The following RPL37A variants were observed in gnomAD, a reference collection of about 807,000 sequenced individuals.
RPL37A encodes the protein ribosomal protein L37a, also known as large ribosomal subunit protein eL43.
A neutral mutation model predicts 13.6 loss-of-function variants in RPL37A; 5 were observed. The observed-to-expected ratio is 0.37, with a 90% confidence interval of 0.19 to 0.78. RPL37A has a LOEUF of 0.78. Among genes scored for constraint, RPL37A ranks in the 30% least tolerant of loss-of-function variants. The probability of loss-of-function intolerance (pLI) is 0.49; values close to 1 mark genes in which losing one functional copy is unlikely to be tolerated. For synonymous variants in RPL37A, 50 were observed against 44.4 expected (o/e 1.13, Z -0.50); for missense variants, 77 against 120.0 (o/e 0.64, Z 1.67).
At chr2:216,499,541 A>G (rs891715991) in intron 2 of RPL37A, 143 bp downstream of exon 2, 1 of 1,033,192 alleles carries the variant, frequency 9.7e-7, no homozygotes, top group African/African-American at 1.6e-5. Flanking sequence ...TTTTAAGATA[A>G]AAGTGTTGAT....
At chr2:216,499,430 A>G in intron 2 of RPL37A, 32 bp downstream of exon 2, 1 of 1,610,384 alleles carries the variant, frequency 6.2e-7, no homozygotes, top group East Asian at 2.2e-5. Flanking sequence ...GTGAGAGGAG[A>G]GGGAGGGCAG....
chr2:216,499,129 G>T, intron 1 of RPL37A, 141 bp from the exon 2 acceptor site: 1 of 1,254,898 alleles, frequency 8.0e-7, no homozygotes, highest in South Asian at 1.5e-5. Flanking sequence ...TGGTTTCGTT[G>T]GGTTGAATTT....
rs371360227 is a variant in RPL37A at position 216,501,440 on chromosome 2, A to G, written c.*36A>G. 1 of 1,454,672 alleles carries G rather than the reference A, an allele frequency of 6.9e-7. No homozygotes were observed. Among genetic ancestry groups the G allele is most frequent in the South Asian group, 1.2e-5 (1 of 84,844 alleles). 90.1% of individuals were successfully genotyped at this position (1,454,672 alleles called of 1,614,324 possible). A position where few individuals can be genotyped will look rare whatever the true frequency, so the allele number is the denominator to read the frequency against. On this transcript the variant is annotated 3_prime_UTR_variant, in exon 4 of 4. Coordinates refer to ENST00000491306, the MANE Select transcript of RPL37A (RefSeq NM_000998.5). Reference sequence around the variant, plus strand: ...ACTCTTTGAGACATCACTGGCCTATAATAAATGGGTTAATTTATGTAACAA... The same window carrying G: ...ACTCTTTGAGACATCACTGGCCTATGATAAATGGGTTAATTTATGTAACAA...
At chr2:216,501,286 C>T (rs1011069287) in intron 3 of RPL37A, 55 bp from the exon 4 acceptor site, 22 of 1,463,116 alleles carry the variant, frequency 1.5e-5, no homozygotes, top group Middle Eastern at 3.5e-4. Context: ...TACTTATTTG[C>T]CATTTTCTAT....
rs1195839045 is a variant in RPL37A at position 216,501,420 on chromosome 2, T to C, written c.*16T>C. On this transcript the variant is annotated 3_prime_UTR_variant, in exon 4 of 4. Coordinates refer to ENST00000491306, the MANE Select transcript of RPL37A (RefSeq NM_000998.5). ...AGACCAGTAGACGCTCCTCTACTCT[T>C]TGAGACATCACTGGCCTATAATAAA... The C allele has an allele frequency of 6.3e-7, 1 of 1,589,422 alleles. No homozygotes were observed. Among genetic ancestry groups the C allele is most frequent in the Non-Finnish European group, 8.6e-7 (1 of 1,159,832 alleles).
rs750291665 is a variant in RPL37A at position 216,501,358 on chromosome 2, C to A, written c.233C>A (p.Thr78Lys). 1 of 1,612,426 alleles carries A rather than the reference C, an allele frequency of 6.2e-7. No individual in the cohort carries two copies. The change falls in exon 4 of 4, where the codon ACG becomes AAG. Residue 78 changes from threonine (T) to lysine (K), a missense_variant. Thr to Lys is a moderately conservative substitution (Grantham distance 78). This residue lies in a region of RPL37A where 7 missense variants were observed against 18.5 expected (regional missense o/e 0.38). Coordinates refer to ENST00000491306, the MANE Select transcript of RPL37A (RefSeq NM_000998.5). ...AWTYNTTSAV[T>K]VKSAIRRLKE... ...CTTTCCAGTACCACTTCCGCTGTCA[C>A]GGTAAAGTCCGCCATCAGAAGACTG...
rs1414362101 is a variant in RPL37A, at chr2:216,501,421, T to G, written c.*17T>G. 2.5e-6 allele frequency: 4 copies of G among 1,585,590 alleles called. No individual in the cohort carries two copies. The Admixed American group carries it at 5.0e-5, about 20-fold the overall frequency. On this transcript the variant is annotated 3_prime_UTR_variant, in exon 4 of 4. Coordinates refer to ENST00000491306, the MANE Select transcript of RPL37A (RefSeq NM_000998.5). The stretch of plus-strand genomic sequence containing the variant: ...GACCAGTAGACGCTCCTCTACTCTT[T>G]GAGACATCACTGGCCTATAATAAAT...
chr2:216,501,031 A>G (rs1695590711), intron 3 of RPL37A: 2 of 213,972 alleles, frequency 9.3e-6, no homozygotes, highest in South Asian at 1.9e-4. Flanking sequence ...TTATAAAAAA[A>G]AAAGCAACTC....
rs113111226 is a variant in RPL37A at position 216,500,113 on chromosome 2, T to G, written c.215+82T>G. ...CAGGTTGCTGCTGGATGGGCTAGTTTTAACACTTTCTCAGGACTGAGAGAA... is the reference window on the plus strand; with the variant it reads ...CAGGTTGCTGCTGGATGGGCTAGTTGTAACACTTTCTCAGGACTGAGAGAA... On this transcript the variant is annotated intron_variant, in intron 3 of 3. Transcript: ENST00000491306. The G allele has an allele frequency of 5.4e-4, 549 of 1,022,204 alleles. 1 individual carries two copies. In the African/African-American group the frequency reaches 7.8e-3, roughly 15 times the overall value. 63.3% of individuals were successfully genotyped at this position (1,022,204 alleles called of 1,614,324 possible). A position where few individuals can be genotyped will look rare whatever the true frequency, so the allele number is the denominator to read the frequency against.
In RPL37A at chr2:216,499,030, G is replaced by A. The variant is rs576360532; in HGVS notation, c.3+153G>A. On this transcript the variant is annotated intron_variant, in intron 1 of 3. Coordinates refer to ENST00000491306, the MANE Select transcript of RPL37A (RefSeq NM_000998.5). ...ACACCATTGTCGGAAGCTCCCCAAGGCGGAGGGGCGGGGGCGCCTTGGCTG... is the reference window on the plus strand; with the variant it reads ...ACACCATTGTCGGAAGCTCCCCAAGACGGAGGGGCGGGGGCGCCTTGGCTG... 43 of 1,291,912 alleles carry A rather than the reference G, an allele frequency of 3.3e-5. No homozygotes were observed. In the East Asian group the frequency reaches 1.0e-3, roughly 31 times the overall value. 80.0% of individuals were successfully genotyped at this position (1,291,912 alleles called of 1,614,324 possible).
rs757172149 is a variant in RPL37A at position 216,502,022 on chromosome 2, T to G, written c.*618T>G. On this transcript the variant is annotated 3_prime_UTR_variant, in exon 4 of 4. Transcript: ENST00000491306. ...TGAGCCACCACGCCCAGCCTTGCAT[T>G]TAATATTTTTATAATGTGTCTAGGC... 1.3e-5 allele frequency: 2 copies of G among 152,076 alleles called. No homozygotes were observed. The highest frequency in any genetic ancestry group is 2.9e-5 in the Non-Finnish European group (2 of 68,030). The allele number at this position is 152,076 out of a possible 1,614,324, so 9.4% of individuals were successfully genotyped here. A position where few individuals can be genotyped will look rare whatever the true frequency, so the allele number is the denominator to read the frequency against.
chr2:216,500,071 C>T (rs1385527859), intron 3 of RPL37A, 40 bp downstream of exon 3: 1 of 1,512,818 alleles, frequency 6.6e-7, no homozygotes, highest in African/African-American at 1.4e-5. Context: ...GTGTGTGGAC[C>T]ACATAGGCCC....
At chr2:216,499,461 C>T in intron 2 of RPL37A, 63 bp downstream of exon 2, 1 of 1,583,736 alleles carries the variant, frequency 6.3e-7, no homozygotes, top group Non-Finnish European at 8.6e-7. Flanking sequence ...CAAGTGAGGC[C>T]TGACTTCAAG....
At chr2:216,500,940 T>A (rs1395398655) in intron 3 of RPL37A, 1 of 158,716 alleles carries the variant, frequency 6.3e-6, no homozygotes, top group East Asian at 1.8e-4. Flanking sequence ...TTAATAAGTT[T>A]AGGTCAGCCT....
chr2:216,498,914 T>C (rs1379473257), intron 1 of RPL37A, 37 bp downstream of exon 1: 48 of 1,613,440 alleles, frequency 3.0e-5, no homozygotes, highest in African/African-American at 4.0e-5. Flanking sequence ...GAACTCTATC[T>C]GCCTGCATCT....
intron 3 of RPL37A, 113 bp from the exon 4 acceptor site, chr2:216,501,228 T>C (rs1695595094): frequency 2.6e-6 from 2 of 762,468 alleles, no homozygotes; most frequent in South Asian, 1.6e-5. Context: ...GTATAATTCT[T>C]TCTAGGAAAA....
intron 2 of RPL37A, chr2:216,499,639 C>G: frequency 1.6e-6 from 1 of 627,758 alleles, no homozygotes. Context: ...CAGAGTGCCC[C>G]CAGCCTAAGC....
chr2:216,499,053 C>T (rs1695550780), intron 1 of RPL37A, 176 bp downstream of exon 1: 2 of 1,181,096 alleles, frequency 1.7e-6, no homozygotes, highest in African/African-American at 3.1e-5. Context: ...GGCGCCTTGG[C>T]TGGGCCTGGC....
rs764150654 is a variant in RPL37A at position 216,498,872 on chromosome 2, G to T, written c.-3G>T. 2 of 1,614,064 alleles carry T rather than the reference G, an allele frequency of 1.2e-6. No homozygotes were observed. The highest frequency in any genetic ancestry group is 1.7e-6 in the Non-Finnish European group (2 of 1,179,932). On this transcript the variant is annotated 5_prime_UTR_variant, in exon 1 of 4. Coordinates refer to ENST00000491306, the MANE Select transcript of RPL37A (RefSeq NM_000998.5). Reference sequence around the variant, plus strand: ...TCTGGGCTCGGACCTAGGTCGCGGCGACATGGTGAGTGTGGGTCTCTGTGC... The same window carrying T: ...TCTGGGCTCGGACCTAGGTCGCGGCTACATGGTGAGTGTGGGTCTCTGTGC...
Sources: gnomAD v4.1 joint callset for allele counts on GRCh38, gnomAD v4.1.1 for gene constraint, gnomAD v4.1.1 regional missense constraint, MANE v1.5 for transcripts, NCBI Gene and HGNC (gene_info 2026-07-23, HGNC 2026-07-21) for gene names.